Variants in LARP4B observed in about 807,000 individuals in gnomAD.
The protein encoded by LARP4B is la-related protein 4B.
Under a neutral mutation model 89.8 loss-of-function variants are expected in LARP4B, and 12 were observed. The ratio of observed to expected loss-of-function variants is 0.13; its 90% CI spans 0.09 to 0.22. The LOEUF (loss-of-function observed/expected upper bound fraction) is 0.22. Ranked by LOEUF, LARP4B falls within the 10% of genes least tolerant of loss-of-function variation. The pLI is 1.00. For synonymous variants in LARP4B, 367 were observed against 363.3 expected, an observed-to-expected ratio of 1.01 and a Z score of -0.12; for missense variants, 757 against 947.7, an observed-to-expected ratio of 0.80 and a Z score of 2.64.
At chr10:832,287 C>T (rs1832950276) in intron 8 of LARP4B, among the ~76,000 whole-genome samples, 2 of 152,202 alleles carry the variant, frequency 1.3e-5, no homozygotes, top group Admixed American at 1.3e-4. Context: ...TCGTGATCCG[C>T]CCGCCTCAGC....
At chr10:817,666 A>T in intron 15 of LARP4B, 59 bp downstream of exon 15, 1 of 1,525,122 alleles carries the variant, frequency 6.6e-7, no homozygotes, top group Non-Finnish European at 9.0e-7. Context: ...AAAGCGCCTG[A>T]CACGGAACCC....
At chr10:911,259 C>A (rs979704320) in intron 1 of LARP4B, among the ~76,000 whole-genome samples, 1 of 152,042 alleles carries the variant, frequency 6.6e-6, no homozygotes, top group African/African-American at 2.4e-5. Context: ...TATGTTTGTG[C>A]TGAAATCTGA....
the LARP4B span, among the ~76,000 whole-genome samples, chr10:977,868 A>G: frequency 6.6e-6 from 1 of 152,278 alleles, no homozygotes; most frequent in South Asian, 2.1e-4. Context: ...GGATGACTAC[A>G]TACAAAGACC....
Position 911,082 on chromosome 10 carries a change from G to C in LARP4B, c.-40+20346C>G, listed in dbSNP as rs150198217. The stretch of plus-strand genomic sequence containing the variant: ...CATCAGCTGGATGTGTGTGCACTTA[G>C]GGGGCACTCTCTTACATTTAGAAAG... On this transcript the variant is annotated intron_variant, in intron 1 of 17. Coordinates refer to ENST00000316157, the MANE Select transcript of LARP4B (RefSeq NM_015155.3). Among the ~76,000 whole-genome samples, 51 of 152,280 alleles carry C rather than the reference G, an allele frequency of 3.3e-4. No individual in the cohort carries two copies. The East Asian group carries it at 9.1e-3, about 27-fold the overall frequency.
At chr10:816,371 T>C (rs1448524835) in intron 15 of LARP4B, among the ~76,000 whole-genome samples, 1 of 152,222 alleles carries the variant, frequency 6.6e-6, no homozygotes, top group African/African-American at 2.4e-5. Context: ...AACCCCATCA[T>C]TTCTGGAGCC....
At chr10:928,537 G>A (rs1214311328) in intron 1 of LARP4B, among the ~76,000 whole-genome samples, 1 of 152,074 alleles carries the variant, frequency 6.6e-6, no homozygotes, top group African/African-American at 2.4e-5. Context: ...CTACCTGAAG[G>A]CACTGTTCAT....
intron 3 of LARP4B, among the ~76,000 whole-genome samples, chr10:875,298 C>T (rs776120980): frequency 2.6e-5 from 4 of 152,150 alleles, no homozygotes; most frequent in East Asian, 1.9e-4. Context: ...GAGCCAACAC[C>T]GACATCTATT....
chr10:873,324 G>A (rs1016818642), intron 3 of LARP4B: 12 of 985,248 alleles, frequency 1.2e-5, no homozygotes, highest in African/African-American at 5.2e-5. Context: ...AACAGAGCCC[G>A]ACTGACAGCC....
At chr10:830,186 T>C (rs1475552342) in intron 9 of LARP4B, among the ~76,000 whole-genome samples, 1 of 152,178 alleles carries the variant, frequency 6.6e-6, no homozygotes, top group Non-Finnish European at 1.5e-5. Flanking sequence ...AATTCTACAT[T>C]AAACCCCTAT....
At chr10:977,255 A>G in the LARP4B span, among the ~76,000 whole-genome samples, 1 of 152,186 alleles carries the variant, frequency 6.6e-6, no homozygotes, top group East Asian at 1.9e-4. Flanking sequence ...CTGGGCTCAA[A>G]TGATCCTCCC....
At chr10:818,477 A>C (rs1832177278) in intron 14 of LARP4B, 1 of 152,276 alleles carries the variant, frequency 6.6e-6, no homozygotes, top group East Asian at 1.9e-4. Flanking sequence ...TTTTTAAATA[A>C]TTAAAAACAC....
At chr10:913,051 C>T (rs1385268939) in intron 1 of LARP4B, among the ~76,000 whole-genome samples, 1 of 149,044 alleles carries the variant, frequency 6.7e-6, no homozygotes, top group African/African-American at 2.4e-5. Flanking sequence ...CTTTTCCTGG[C>T]AATTCCTGAC....
At chr10:940,480 C>T in the LARP4B span, among the ~76,000 whole-genome samples, 3 of 152,126 alleles carry the variant, frequency 2.0e-5, no homozygotes, top group Non-Finnish European at 2.9e-5. Flanking sequence ...GTAGAAACAG[C>T]GTTTTGCCAT....
At chr10:968,468 T>G in the LARP4B span, among the ~76,000 whole-genome samples, 1 of 152,208 alleles carries the variant, frequency 6.6e-6, no homozygotes, top group African/African-American at 2.4e-5. Flanking sequence ...TTCCCTCCAA[T>G]TAGCCTAAAT....
chr10:902,059 G>A (rs898041979), intron 1 of LARP4B, among the ~76,000 whole-genome samples: 5 of 152,212 alleles, frequency 3.3e-5, no homozygotes, highest in African/African-American at 1.2e-4. Flanking sequence ...TAAAGCCTGT[G>A]ACTGGGTCTA....
rs767191618 is a variant in LARP4B at position 814,883 on chromosome 10, T to G, written c.1821-33A>C. 1.3e-6 allele frequency: 2 copies of G among 1,580,910 alleles called. No homozygotes were observed. The highest frequency in any genetic ancestry group is 1.3e-5 in the African/African-American group (1 of 74,228). ...AATGCCACCCGATATTTGAATCTCA[T>G]GCAACATCACAGGCCATTCAAGTCA... On this transcript the variant is annotated intron_variant, in intron 16 of 17. Coordinates refer to ENST00000316157, the MANE Select transcript of LARP4B (RefSeq NM_015155.3). This position sits in a 1 kb window ranked among gnomAD's most constrained non-coding sequence, Gnocchi z 4.4.
chr10:866,174 TTA>T (rs1834889498), intron 3 of LARP4B, among the ~76,000 whole-genome samples: 1 of 152,190 alleles, frequency 6.6e-6, no homozygotes, highest in Non-Finnish European at 1.5e-5. Context: ...AACCAGGTGT[TTA>T]AATGAGTATC....
At chr10:888,185 T>C (rs1336674369) in intron 1 of LARP4B, among the ~76,000 whole-genome samples, 1 of 152,022 alleles carries the variant, frequency 6.6e-6, no homozygotes, top group Non-Finnish European at 1.5e-5. Context: ...CTGGGCCTGG[T>C]GGCACATGCC....
chr10:930,077 G>C (rs947272000), intron 1 of LARP4B, among the ~76,000 whole-genome samples: 1 of 151,840 alleles, frequency 6.6e-6, no homozygotes, highest in African/African-American at 2.4e-5. Flanking sequence ...GCAGGTTGGG[G>C]AAGTATGGAA....
Sources: allele counts gnomAD v4.1 joint callset (sites outside exome capture counted in the v4.1 genomes callset), GRCh38; gene constraint gnomAD v4.1.1; non-coding constraint Gnocchi (gnomAD v3.1); transcripts MANE v1.5; gene names NCBI Gene and HGNC (gene_info 2026-07-23, HGNC 2026-07-21).